The following IL27RA variants were observed in gnomAD, a reference collection of about 807,000 sequenced individuals.
IL27RA encodes interleukin-27 receptor subunit alpha.
In IL27RA, 61 loss-of-function variants were observed where a neutral mutation model predicts 80.8. The observed-to-expected ratio is 0.76, with a 90% CI of 0.61 to 0.93. The LOEUF (loss-of-function observed/expected upper bound fraction) is 0.93. Among genes scored for constraint, IL27RA ranks in the 40% least tolerant of loss-of-function variants. IL27RA has a pLI of 0.00. For missense variants in IL27RA, 735 were observed against 808.1 expected, an observed-to-expected ratio of 0.91 and a Z score of 1.10; for synonymous variants, 316 against 332.5, an observed-to-expected ratio of 0.95 and a Z score of 0.54.
At chr19:14,040,208 A>G (rs565567691) in intron 4 of IL27RA, among the ~76,000 whole-genome samples, 2 of 151,234 alleles carry the variant, frequency 1.3e-5, no homozygotes, top group East Asian at 2.0e-4. Flanking sequence ...CACTAAAAAT[A>G]CAAAAATTAC....
intron 2 of IL27RA, among the ~76,000 whole-genome samples, chr19:14,036,352 T>C (rs1975898081): frequency 6.6e-6 from 1 of 152,104 alleles, no homozygotes; most frequent in African/African-American, 2.4e-5. Flanking sequence ...ACCAGTTTAC[T>C]CTGCCTCTAG....
Position 14,053,165 on chromosome 19 carries a change from T to A in IL27RA, c.*875T>A, listed in dbSNP as rs988133178. 6.5e-6 allele frequency: 1 copy of A among 154,498 alleles called. No homozygotes were observed. Among genetic ancestry groups the A allele is most frequent in the Admixed American group, 6.5e-5 (1 of 15,362 alleles). 9.6% of individuals were successfully genotyped at this position (154,498 alleles called of 1,614,324 possible). ...ATGAAAAGGAACCTGAATCCCTGAA[T>A]GACTGCATGGATAGAACCACTAAGA... is the stretch of plus-strand genomic sequence containing the variant. On this transcript the variant is annotated 3_prime_UTR_variant, in exon 14 of 14. Transcript: ENST00000263379.
chr19:14,042,816 C>G (rs1434125751), intron 6 of IL27RA, 27 bp downstream of exon 6: 1 of 1,595,592 alleles, frequency 6.3e-7, no homozygotes, highest in Non-Finnish European at 8.6e-7. Flanking sequence ...AGTTACATTT[C>G]TCTGCACGTG....
rs773314639 is a variant in IL27RA at position 14,046,149 on chromosome 19, C to T, written c.769-5C>T. The T allele has an allele frequency of 2.5e-6, 4 of 1,610,846 alleles. No individual in the cohort carries two copies. Among genetic ancestry groups the T allele is most frequent in the East Asian group, 2.2e-5 (1 of 44,860 alleles). ...CATTAACCCCTTTTTCCCTTCATCT[C>T]TCAGGCCCCAGGGCCCTGTGTGCAG... On this transcript the variant is annotated splice_polypyrimidine_tract_variant and splice_region_variant and intron_variant, in intron 6 of 13. Transcript: ENST00000263379.
chr19:14,048,829 T>G, intron 8 of IL27RA, 152 bp from the exon 9 acceptor site: 2 of 708,450 alleles, frequency 2.8e-6, no homozygotes, highest in Non-Finnish European at 4.9e-6. Context: ...TACTGCCCTA[T>G]TGGGGTTTTC....
intron 2 of IL27RA, among the ~76,000 whole-genome samples, 158 bp downstream of exon 2, chr19:14,032,661 C>T (rs1225672898): frequency 6.8e-6 from 1 of 146,224 alleles, no homozygotes; most frequent in Non-Finnish European, 1.5e-5. Context: ...AAAAAATTAC[C>T]CAGGGGTGGT....
At chr19:14,034,594 A>G (rs1436957135) in intron 2 of IL27RA, among the ~76,000 whole-genome samples, 1 of 150,330 alleles carries the variant, frequency 6.7e-6, no homozygotes, top group Non-Finnish European at 1.5e-5. Context: ...CGGGAGGCAG[A>G]GGTTGGAGTG....
Position 14,052,249 on chromosome 19 carries a change from C to A in IL27RA, c.1870C>A (p.Leu624Met). ...EKHFLPTPEE[L>M]GLLGPPRPQV... ...GCACTTCCTGCCCACACCTGAGGAG[C>A]TGGGCCTTCTGGGGCCCCCCAGGCC... Residue 624 changes from leucine to methionine, a missense_variant, in exon 14 of 14, where the codon CTG becomes ATG. Physicochemically the swap from Leu to Met is conservative, Grantham distance 15. Coordinates refer to ENST00000263379, the MANE Select transcript of IL27RA (RefSeq NM_004843.4). The A allele has an allele frequency of 6.4e-7, 1 of 1,550,732 alleles. No individual in the cohort carries two copies. Among genetic ancestry groups the A allele is most frequent in the South Asian group, 1.3e-5 (1 of 79,326 alleles).
intron 10 of IL27RA, among the ~76,000 whole-genome samples, chr19:14,050,260 T>G (rs10424261): frequency 6.6e-6 from 1 of 151,180 alleles, no homozygotes; most frequent in African/African-American, 2.4e-5. Context: ...CCAGCACTTT[T>G]GGAGGCCGAG....
rs754829180 is a variant in IL27RA, at chr19:14,046,353, C to T, written c.952+16C>T. On this transcript the variant is annotated intron_variant, in intron 7 of 13. Transcript: ENST00000263379. ...GTCTGCTTGGGTAAGAGACTGTGACCTTCCTCAGCTCGGTGCCCTGGAGGG... is the reference window on the plus strand; with the variant it reads ...GTCTGCTTGGGTAAGAGACTGTGACTTTCCTCAGCTCGGTGCCCTGGAGGG... The T allele has an allele frequency of 6.2e-7, 1 of 1,613,334 alleles. No individual in the cohort carries two copies. The highest frequency in any genetic ancestry group is 1.1e-5 in the South Asian group (1 of 90,980).
Position 14,039,854 on chromosome 19 carries a change from A to G in IL27RA, c.478A>G (p.Lys160Glu). Residue 160 changes from lysine (K) to glutamate (E), a missense_variant, in exon 4 of 14, where the codon AAA (lysine) becomes GAA (glutamate). By Grantham distance (56) the Lys-to-Glu change is moderately conservative. Transcript: ENST00000263379. Reference sequence around the variant, plus strand: ...GGCCCCACCTACATGGCCATCTCATAAAGTTCTGATCTGCCAGTTCCACTA... The same window carrying G: ...GGCCCCACCTACATGGCCATCTCATGAAGTTCTGATCTGCCAGTTCCACTA... ...HWAPPTWPSHKVLICQFHYRR... is the reference protein window; with the variant it reads ...HWAPPTWPSHEVLICQFHYRR... 6.2e-7 allele frequency: 1 copy of G among 1,614,082 alleles called. No individual in the cohort carries two copies. The highest frequency in any genetic ancestry group is 8.5e-7 in the Non-Finnish European group (1 of 1,180,010).
Position 14,039,681 on chromosome 19 carries a change from G to A in IL27RA, c.376+16G>A, listed in dbSNP as rs1975959729. 2 of 1,611,960 alleles carry A rather than the reference G, an allele frequency of 1.2e-6. No individual in the cohort carries two copies. The highest frequency in any genetic ancestry group is 8.5e-7 in the Non-Finnish European group (1 of 1,178,748). On this transcript the variant is annotated intron_variant, in intron 3 of 13. Coordinates refer to ENST00000263379, the MANE Select transcript of IL27RA (RefSeq NM_004843.4). ...GAAACCCAAAGTAACGTGGCAGGAG[G>A]GTGGGCGCTCTATGCGGGGTGGGTG...
intron 10 of IL27RA, 109 bp downstream of exon 10, chr19:14,049,423 A>AT (rs1399394696): frequency 9.1e-7 from 1 of 1,103,936 alleles, no homozygotes; most frequent in Non-Finnish European, 1.3e-6. Flanking sequence ...GGGACCATAC[A>AT]TGGTGTCCTC....
At chr19:14,034,457 G>A (rs1309888964) in intron 2 of IL27RA, among the ~76,000 whole-genome samples, 1 of 151,826 alleles carries the variant, frequency 6.6e-6, no homozygotes, top group African/African-American at 2.4e-5. Context: ...GTCAGGAGTT[G>A]CAGACCAGCC....
intron 4 of IL27RA, among the ~76,000 whole-genome samples, chr19:14,041,572 G>GTCACTT (rs1334138852): frequency 3.3e-5 from 5 of 152,116 alleles, no homozygotes; most frequent in African/African-American, 1.2e-4. Flanking sequence ...CCTTGGGCTA[G>GTCACTT]TCACTTTCCC....
At chr19:14,050,294 G>A (rs1487541078) in intron 10 of IL27RA, among the ~76,000 whole-genome samples, 1 of 152,130 alleles carries the variant, frequency 6.6e-6, no homozygotes, top group Non-Finnish European at 1.5e-5. Context: ...CTGAGGTCAG[G>A]AGTTTGAGAC....
At chr19:14,036,441 C>G (rs1438990722) in intron 2 of IL27RA, among the ~76,000 whole-genome samples, 1 of 151,348 alleles carries the variant, frequency 6.6e-6, no homozygotes, top group Non-Finnish European at 1.5e-5. Flanking sequence ...TTTCACGTAA[C>G]ATAATGTTCG....
intron 8 of IL27RA, among the ~76,000 whole-genome samples, chr19:14,046,890 G>A (rs548647881): frequency 3.3e-5 from 5 of 151,752 alleles, no homozygotes; most frequent in African/African-American, 1.2e-4. Flanking sequence ...CCAGCTACTC[G>A]GGAGGCTGAG....
intron 2 of IL27RA, 37 bp from the exon 3 acceptor site, chr19:14,039,471 C>A: frequency 6.3e-7 from 1 of 1,583,926 alleles, no homozygotes. Flanking sequence ...CTGGCTCTAG[C>A]CGAGTGTGCA....
Sources: allele counts gnomAD v4.1 joint callset (sites outside exome capture counted in the v4.1 genomes callset), GRCh38; gene constraint gnomAD v4.1.1; transcripts MANE v1.5; gene names NCBI Gene and HGNC (gene_info 2026-07-23, HGNC 2026-07-21).